The following PDRG1 variants were observed in gnomAD, a reference collection of about 807,000 sequenced individuals.
PDRG1 encodes p53 and DNA damage-regulated protein 1.
A neutral mutation model predicts 18.4 loss-of-function variants in PDRG1; 14 were observed. The observed-to-expected ratio is 0.76, with a 90% confidence interval of 0.50 to 1.19. The LOEUF (loss-of-function observed/expected upper bound fraction) is 1.19, where lower values mean the gene tolerates loss of function less well. Ranked by LOEUF, PDRG1 falls within the 50% of genes most tolerant of loss-of-function variation. PDRG1 has a pLI of 0.00. For synonymous variants in PDRG1, 65 were observed against 60.9 expected, an observed-to-expected ratio of 1.07 and a Z score of -0.31; for missense variants, 177 against 160.1, an observed-to-expected ratio of 1.11 and a Z score of -0.57.
intron 3 of PDRG1, among the ~76,000 whole-genome samples, chr20:31,948,232 T>C (rs1047338941): frequency 3.9e-5 from 6 of 152,218 alleles, no homozygotes; most frequent in Admixed American, 2.0e-4. Context: ...CTTGCAGCTA[T>C]GGGTGACCAT....
chr20:31,946,708 A>G (rs2064321576), intron 3 of PDRG1, 132 bp from the exon 4 acceptor site: 1 of 754,518 alleles, frequency 1.3e-6, no homozygotes. Flanking sequence ...TCAGAGGCCA[A>G]CTGAGGAAGG....
At chr20:31,947,984 G>C (rs979278430) in intron 3 of PDRG1, among the ~76,000 whole-genome samples, 4 of 152,204 alleles carry the variant, frequency 2.6e-5, no homozygotes, top group African/African-American at 9.6e-5. Flanking sequence ...CCATTTTCAA[G>C]GTTATGGAAG....
At position 31,951,864 on chromosome 20, in the gene PDRG1, G is replaced by C; in HGVS notation, c.87+11C>G. 2 of 1,568,220 alleles carry C rather than the reference G, an allele frequency of 1.3e-6. No homozygotes were observed. Among genetic ancestry groups the C allele is most frequent in the Non-Finnish European group, 1.7e-6 (2 of 1,159,756 alleles). On this transcript the variant is annotated intron_variant, in intron 1 of 4. Coordinates refer to ENST00000202017, the MANE Select transcript of PDRG1 (RefSeq NM_030815.3). ...GCCGCCAGGCCCCAGCGCCGCGGAGGGGCCTCTCACCTGCCGCTTGTCCGC... is the reference window on the plus strand; with the variant it reads ...GCCGCCAGGCCCCAGCGCCGCGGAGCGGCCTCTCACCTGCCGCTTGTCCGC...
chr20:31,951,712 C>G (rs1481007291), intron 1 of PDRG1, among the ~76,000 whole-genome samples, 163 bp downstream of exon 1: 1 of 152,248 alleles, frequency 6.6e-6, no homozygotes, highest in Non-Finnish European at 1.5e-5. Flanking sequence ...AGAGGAATGT[C>G]CAGCATAGCG....
chr20:31,944,796 AC>A lies in PDRG1; in HGVS notation c.*1010del, dbSNP rs1301011385. On this transcript the variant is annotated 3_prime_UTR_variant, in exon 5 of 5. Coordinates refer to ENST00000202017, the MANE Select transcript of PDRG1 (RefSeq NM_030815.3). ...TGAGCCAGAGCCAAGGAGCGGGGGG[AC>A]CAGGAGAGGTGTGCCCCTGCCATGC... 6.6e-6 allele frequency: 1 copy of A among 152,102 alleles called. No individual in the cohort carries two copies. The highest frequency in any genetic ancestry group is 1.5e-5 in the Non-Finnish European group (1 of 68,044). 9.4% of individuals were successfully genotyped at this position (152,102 alleles called of 1,614,324 possible).
Position 31,945,908 on chromosome 20 carries a change from C to T in PDRG1, c.320-19G>A, listed in dbSNP as rs879442386. The T allele has an allele frequency of 6.2e-7, 1 of 1,606,238 alleles. No homozygotes were observed. Reference sequence around the variant, plus strand: ...GGTTTGCCTAGGAGAGAAGATGATCCATCAGCACGTCGGGCCTCCTGCTGG... The same window carrying T: ...GGTTTGCCTAGGAGAGAAGATGATCTATCAGCACGTCGGGCCTCCTGCTGG... On this transcript the variant is annotated intron_variant, in intron 4 of 4. Transcript: ENST00000202017.
Position 31,950,364 on chromosome 20 carries a change from C to G in PDRG1, c.111G>C (p.Arg37Ser). ...CCCTCAGGCCCTCTCGATTCTGATT[C>G]CTTTTAGTGTCCAGGTCCACAATCT... ...KRQIVDLDTK[R>S]NQNREGLRAL... Residue 37 changes from arginine to serine, a missense_variant, in exon 2 of 5, where the codon AGG (arginine) becomes AGC (serine). By Grantham distance (110) the Arg-to-Ser change is moderately radical. Transcript: ENST00000202017. 1.2e-6 allele frequency: 2 copies of G among 1,612,912 alleles called. No homozygotes were observed. Among genetic ancestry groups the G allele is most frequent in the Non-Finnish European group, 1.7e-6 (2 of 1,178,856 alleles).
At position 31,948,871 on chromosome 20, in the gene PDRG1, CCAT is replaced by C. The variant is rs2064334705; in HGVS notation, c.172_174del (p.Met58del). On this transcript the variant is annotated inframe_deletion, in exon 3 of 5. Coordinates refer to ENST00000202017, the MANE Select transcript of PDRG1 (RefSeq NM_030815.3). ...TTGATAAACATGTTCCCGAAGCAAA[CCAT>C]CACATCTTCTGAAAGAGCAAATAGT... is the stretch of plus-strand genomic sequence containing the variant. 6.2e-7 allele frequency: 1 copy of C among 1,613,664 alleles called. No homozygotes were observed. The highest frequency in any genetic ancestry group is 1.1e-5 in the South Asian group (1 of 90,958).
At chr20:31,949,858 C>T (rs1044873512) in intron 2 of PDRG1, among the ~76,000 whole-genome samples, 2 of 152,176 alleles carry the variant, frequency 1.3e-5, no homozygotes, top group Non-Finnish European at 2.9e-5. Flanking sequence ...GCCATACTTA[C>T]TCCCCATTTG....
rs1456670273 is a variant in PDRG1 at position 31,945,777 on chromosome 20, T to C, written c.*30A>G. On this transcript the variant is annotated 3_prime_UTR_variant, in exon 5 of 5. Coordinates refer to ENST00000202017, the MANE Select transcript of PDRG1 (RefSeq NM_030815.3). ...CTGGGTCCTCCATGACCCTGGGGGGTTGCTGGTCCCCCATCTTGGTTCTTG... is the reference window on the plus strand; with the variant it reads ...CTGGGTCCTCCATGACCCTGGGGGGCTGCTGGTCCCCCATCTTGGTTCTTG... 1 of 1,582,550 alleles carries C rather than the reference T, an allele frequency of 6.3e-7. No individual in the cohort carries two copies. Among genetic ancestry groups the C allele is most frequent in the East Asian group, 2.2e-5 (1 of 44,698 alleles).
Position 31,945,655 on chromosome 20 carries a change from A to T in PDRG1, c.*152T>A. The T allele has an allele frequency of 1.8e-6, 1 of 565,162 alleles. No homozygotes were observed. The allele number at this position is 565,162 out of a possible 1,614,324, so 35.0% of individuals were successfully genotyped here. ...AGGTTCCCTCCTGCCATCACAGAGT[A>T]GCCAAGCACTACAAAGAGGTTTTCA... is the stretch of plus-strand genomic sequence containing the variant. On this transcript the variant is annotated 3_prime_UTR_variant, in exon 5 of 5. Transcript: ENST00000202017.
Position 31,945,903 on chromosome 20 carries a change from T to A in PDRG1, c.320-14A>T, listed in dbSNP as rs1290813883. On this transcript the variant is annotated splice_polypyrimidine_tract_variant and intron_variant, in intron 4 of 4. Transcript: ENST00000202017. ...GCTCCGGTTTGCCTAGGAGAGAAGA[T>A]GATCCATCAGCACGTCGGGCCTCCT... is the stretch of plus-strand genomic sequence containing the variant. 6.2e-6 allele frequency: 10 copies of A among 1,610,012 alleles called. No homozygotes were observed. Among genetic ancestry groups the A allele is most frequent in the South Asian group, 1.1e-5 (1 of 90,886 alleles).
chr20:31,948,732 G>T, intron 3 of PDRG1, 76 bp downstream of exon 3: 2 of 1,367,094 alleles, frequency 1.5e-6, no homozygotes, highest in South Asian at 1.3e-5. Context: ...CCTGAAGCCT[G>T]ACTCCCTGTT....
chr20:31,947,726 A>T (rs867648281), intron 3 of PDRG1, among the ~76,000 whole-genome samples: 30 of 152,178 alleles, frequency 2.0e-4, no homozygotes, highest in Middle Eastern at 6.8e-3. Context: ...TGTCTTTACT[A>T]AAAAAACACA....
intron 3 of PDRG1, among the ~76,000 whole-genome samples, chr20:31,948,030 T>C (rs1229586178): frequency 6.6e-6 from 1 of 152,198 alleles, no homozygotes. Flanking sequence ...TTCTAGCCAA[T>C]AATCCATTTG....
intron 1 of PDRG1, among the ~76,000 whole-genome samples, chr20:31,950,752 T>C (rs891922507): frequency 1.1e-4 from 17 of 152,214 alleles, no homozygotes; most frequent in African/African-American, 4.1e-4. Flanking sequence ...CTTCTCCAGC[T>C]GATTCTGAAC....
At position 31,949,017 on chromosome 20, in the gene PDRG1, AG is replaced by A. The variant is rs1363978516; in HGVS notation, c.164-136del. On this transcript the variant is annotated intron_variant, in intron 2 of 4. Coordinates refer to ENST00000202017, the MANE Select transcript of PDRG1 (RefSeq NM_030815.3). ...CCTCTTGGAGCTTATGTTACAGTGG[AG>A]GAGAGAGAATAAAGATATGATTTGT... The A allele has an allele frequency of 4.5e-4, 321 of 709,432 alleles. No individual in the cohort carries two copies. In the East Asian group the frequency reaches 8.5e-3, roughly 19 times the overall value. 43.9% of individuals were successfully genotyped at this position (709,432 alleles called of 1,614,324 possible).
rs770174085 is a variant in PDRG1 at position 31,948,932 on chromosome 20, T to G, written c.164-50A>C. 7 of 1,543,644 alleles carry G rather than the reference T, an allele frequency of 4.5e-6. No homozygotes were observed. The East Asian group carries it at 6.7e-5, about 15-fold the overall frequency. On this transcript the variant is annotated intron_variant, in intron 2 of 4. Transcript: ENST00000202017. ...TCAACAATTTTTTTTTGAGTACCTA[T>G]TATCTGCCAGGCATTGTTTTAGATA...
intron 1 of PDRG1, among the ~76,000 whole-genome samples, chr20:31,951,052 A>C (rs990132025): frequency 3.3e-5 from 5 of 152,206 alleles, no homozygotes; most frequent in Non-Finnish European, 5.9e-5. Context: ...GGCACATAGT[A>C]AGTAGCTGAT....
Sources: allele counts gnomAD v4.1 joint callset (sites outside exome capture counted in the v4.1 genomes callset), GRCh38; gene constraint gnomAD v4.1.1; transcripts MANE v1.5; gene names NCBI Gene and HGNC (gene_info 2026-07-23, HGNC 2026-07-21).